DIP2C: variants seen among roughly 807,000 people sequenced by gnomAD.
DIP2C encodes disco-interacting protein 2 homolog C.
In DIP2C, 33 loss-of-function variants were observed where a neutral mutation model predicts 192.4. That is an observed-to-expected ratio of 0.17 (90% confidence interval 0.13 to 0.23). DIP2C has a LOEUF of 0.23. Among genes scored for constraint, DIP2C ranks in the 10% least tolerant of loss-of-function variants. The pLI is 1.00. For missense variants in DIP2C, 1,537 were observed against 2,110.1 expected (o/e 0.73, Z 5.32); for synonymous variants, 979 against 864.1 (o/e 1.13, Z -2.33).
At chr10:464,076 T>C (rs1463526777) in intron 3 of DIP2C, among the ~76,000 whole-genome samples, 3 of 152,096 alleles carry the variant, frequency 2.0e-5, no homozygotes, top group East Asian at 1.9e-4. Context: ...ATTCAGTACA[T>C]AGACATGGCC....
In DIP2C at chr10:652,998, G is replaced by A. The variant is rs566041190; in HGVS notation, c.85+36496C>T. 3.3e-5 allele frequency among the ~76,000 whole-genome samples: 5 copies of A among 152,106 alleles called. No individual in the cohort carries two copies. In the South Asian group the frequency reaches 8.3e-4, roughly 25 times the overall value. ...GTGCCCCACGTCCCCAAAGACCAAG[G>A]GGTCACAGCTCCACATTGTCCAACA... On this transcript the variant is annotated intron_variant, in intron 1 of 36. Transcript: ENST00000280886. The surrounding 1 kb of genome is among the most constrained non-coding windows in gnomAD (Gnocchi z 4.5).
chr10:547,592 T>TTC (rs1193078855), intron 1 of DIP2C, among the ~76,000 whole-genome samples: 5 of 152,126 alleles, frequency 3.3e-5, no homozygotes, highest in African/African-American at 9.7e-5. Context: ...ACAGTCTCTG[T>TTC]CATGAGCTTT....
intron 3 of DIP2C, among the ~76,000 whole-genome samples, chr10:466,280 C>A (rs2133404909): frequency 6.6e-6 from 1 of 150,780 alleles, no homozygotes; most frequent in Non-Finnish European, 1.5e-5. Context: ...GAAAAACAAG[C>A]AATGGGGAAA....
At chr10:485,333 G>A (rs1008956696) in intron 2 of DIP2C, among the ~76,000 whole-genome samples, 1 of 152,186 alleles carries the variant, frequency 6.6e-6, no homozygotes, top group South Asian at 2.1e-4. Context: ...ATGAGGGAGG[G>A]GGCGCAGGCC....
At chr10:377,868 T>G (rs779820935) in intron 17 of DIP2C, among the ~76,000 whole-genome samples, 4 of 152,250 alleles carry the variant, frequency 2.6e-5, no homozygotes, top group African/African-American at 9.6e-5. Context: ...TTTTATATGA[T>G]TTTTGCATTT....
intron 1 of DIP2C, among the ~76,000 whole-genome samples, chr10:540,566 T>A (rs1040440982): frequency 7.2e-5 from 11 of 152,080 alleles, no homozygotes; most frequent in African/African-American, 2.7e-4. Flanking sequence ...AGAGCTGGGG[T>A]AGGAGGAAAG....
chr10:671,187 G>T (rs1830615023), intron 1 of DIP2C, among the ~76,000 whole-genome samples: 1 of 152,350 alleles, frequency 6.6e-6, no homozygotes, highest in East Asian at 1.9e-4. Flanking sequence ...CATGCCACAC[G>T]CCTGACACAG....
intron 16 of DIP2C, among the ~76,000 whole-genome samples, chr10:383,493 TCTGTGGAG>T (rs1185354327): frequency 6.6e-6 from 1 of 152,240 alleles, no homozygotes; most frequent in African/African-American, 2.4e-5. Flanking sequence ...TTTATAGTAT[TCTGTGGAG>T]CTGCTAATTT....
At chr10:575,089 G>A (rs1193160280) in intron 1 of DIP2C, among the ~76,000 whole-genome samples, 2 of 152,060 alleles carry the variant, frequency 1.3e-5, no homozygotes, top group South Asian at 2.1e-4. Flanking sequence ...ATAGACAGAA[G>A]GAACTAAAGG....
intron 1 of DIP2C, among the ~76,000 whole-genome samples, chr10:587,019 T>A (rs1003040488): frequency 2.1e-5 from 3 of 141,138 alleles, no homozygotes; most frequent in Non-Finnish European, 4.7e-5. Context: ...GTGCAGGGTC[T>A]AAGGCCGGAC....
At chr10:454,566 C>G (rs1276681185) in intron 3 of DIP2C, among the ~76,000 whole-genome samples, 1 of 121,142 alleles carries the variant, frequency 8.3e-6, no homozygotes, top group African/African-American at 5.9e-5. Context: ...AATGCACCAT[C>G]TATGCTTGAT....
At chr10:370,744 A>G (rs1960857732) in intron 17 of DIP2C, among the ~76,000 whole-genome samples, 1 of 152,248 alleles carries the variant, frequency 6.6e-6, no homozygotes, top group African/African-American at 2.4e-5. Flanking sequence ...TTTTCCATTT[A>G]TAAATCTTTA....
At chr10:498,660 TGAA>T (rs960864038) in intron 1 of DIP2C, among the ~76,000 whole-genome samples, 4 of 152,136 alleles carry the variant, frequency 2.6e-5, no homozygotes, top group African/African-American at 7.2e-5. Flanking sequence ...AATTTTTCAA[TGAA>T]GAAGTCAGCT....
chr10:493,926 G>GC (rs1844630335), intron 1 of DIP2C, among the ~76,000 whole-genome samples: 1 of 152,210 alleles, frequency 6.6e-6, no homozygotes, highest in Non-Finnish European at 1.5e-5. Context: ...GCCCAGTGCC[G>GC]CCGTCCTACC....
intron 1 of DIP2C, among the ~76,000 whole-genome samples, chr10:510,438 G>A (rs922816341): frequency 6.6e-6 from 1 of 152,210 alleles, no homozygotes; most frequent in African/African-American, 2.4e-5. Flanking sequence ...ATGCTCAGCT[G>A]CAGGTGCACT....
At chr10:556,815 G>A (rs554761012) in intron 1 of DIP2C, among the ~76,000 whole-genome samples, 15 of 152,312 alleles carry the variant, frequency 9.8e-5, no homozygotes, top group African/African-American at 3.4e-4. Flanking sequence ...TGTGCCTTGA[G>A]TCACAGAGAG....
intron 1 of DIP2C, chr10:631,057 C>T (rs74115099): frequency 0.095 from 14,515 of 152,318 alleles, 943 homozygotes; most frequent in African/African-American, 0.18. Flanking sequence ...CCGCCCCCAT[C>T]TCCTCTGCCC....
In DIP2C at chr10:564,688, A is replaced by G. The variant is rs183354763; in HGVS notation, c.86-78158T>C. On this transcript the variant is annotated intron_variant, in intron 1 of 36. Coordinates refer to ENST00000280886, the MANE Select transcript of DIP2C (RefSeq NM_014974.3). ...CTTAGCGGATTTCTGTGAGGACTCAATGAGCCAATATGCCCGAAGCATTCA... is the reference window on the plus strand; with the variant it reads ...CTTAGCGGATTTCTGTGAGGACTCAGTGAGCCAATATGCCCGAAGCATTCA... Among the ~76,000 whole-genome samples, 14 of 152,286 alleles carry G rather than the reference A, an allele frequency of 9.2e-5. No homozygotes were observed. In the East Asian group the frequency reaches 1.2e-3, roughly 13 times the overall value.
intron 9 of DIP2C, among the ~76,000 whole-genome samples, chr10:408,395 TAA>T (rs1192619718): frequency 1.3e-5 from 2 of 152,188 alleles, no homozygotes; most frequent in Admixed American, 6.5e-5. Flanking sequence ...AATTTACTTT[TAA>T]AAGAGGCCAA....
Sources: gnomAD v4.1 joint callset for allele counts (sites outside exome capture counted in the v4.1 genomes callset) on GRCh38, gnomAD v4.1.1 for gene constraint, Gnocchi (gnomAD v3.1) non-coding constraint, MANE v1.5 for transcripts, NCBI Gene and HGNC (gene_info 2026-07-23, HGNC 2026-07-21) for gene names.